Variants in ZNF740 observed in about 807,000 individuals in gnomAD.
ZNF740 encodes the protein zinc finger protein 740.
A neutral mutation model predicts 24.8 loss-of-function variants in ZNF740; 14 were observed. The observed-to-expected ratio is 0.56, with a 90% CI of 0.37 to 0.88. ZNF740 has a LOEUF of 0.88. Among genes scored for constraint, ZNF740 ranks in the 40% least tolerant of loss-of-function variants. The pLI is 0.00. For synonymous variants in ZNF740, 69 were observed against 84.0 expected (o/e 0.82, Z 0.98); for missense variants, 201 against 247.9 (o/e 0.81, Z 1.27).
In ZNF740 at chr12:53,181,971, G is replaced by A; in HGVS notation, c.-13G>A. ...CTCCTGAACTTTTGGGTTGCCTTAAGTGAGAAATCAGCATGGCTCAGGTAA... is the reference window on the plus strand; with the variant it reads ...CTCCTGAACTTTTGGGTTGCCTTAAATGAGAAATCAGCATGGCTCAGGTAA... On this transcript the variant is annotated 5_prime_UTR_variant, in exon 2 of 7. In the 5' UTR this introduces an upstream ATG that the reference lacks. Coordinates refer to ENST00000416904, the MANE Select transcript of ZNF740 (RefSeq NM_001004304.4). 6.2e-7 allele frequency: 1 copy of A among 1,607,044 alleles called. No homozygotes were observed. The highest frequency in any genetic ancestry group is 1.3e-5 in the African/African-American group (1 of 74,990).
chr12:53,182,011 C>G lies in ZNF740; in HGVS notation c.9+19C>G. 1 of 1,606,086 alleles carries G rather than the reference C, an allele frequency of 6.2e-7. No individual in the cohort carries two copies. ...GGCTCAGGTAAAAAGCTCTAGAGTC[C>G]TCCTCCAAGATAACTGGGAAGCCTG... On this transcript the variant is annotated intron_variant, in intron 2 of 6. Transcript: ENST00000416904.
Position 53,188,747 on chromosome 12 carries a change from C to CA in ZNF740, c.*1158dup, listed in dbSNP as rs1941872929. 6.6e-6 allele frequency: 1 copy of CA among 152,202 alleles called. No individual in the cohort carries two copies. The highest frequency in any genetic ancestry group is 6.5e-5 in the Admixed American group (1 of 15,272). 9.4% of individuals were successfully genotyped at this position (152,202 alleles called of 1,614,324 possible). A position where few individuals can be genotyped will look rare whatever the true frequency, so the allele number is the denominator to read the frequency against. ...CTTCCTGATGGCCATCCCTACCCAACAGAGTGTGGGGGATGGGGGTGGGGG... is the reference window on the plus strand; with the variant it reads ...CTTCCTGATGGCCATCCCTACCCAACAAGAGTGTGGGGGATGGGGGTGGGGG... On this transcript the variant is annotated 3_prime_UTR_variant, in exon 7 of 7. Transcript: ENST00000416904.
At position 53,191,729 on chromosome 12, in the gene ZNF740, G is replaced by T. The variant is rs1941952140; in HGVS notation, c.*4139G>T. On this transcript the variant is annotated 3_prime_UTR_variant, in exon 7 of 7. Transcript: ENST00000416904. ...AGGCCAGCCTTGAGCCGAATCCTAG[G>T]AGCTGATGGAAGTTAGCAGAGGGGT... The T allele has an allele frequency of 6.6e-7, 1 of 1,520,188 alleles. No individual in the cohort carries two copies. Among genetic ancestry groups the T allele is most frequent in the South Asian group, 1.1e-5 (1 of 88,816 alleles). The allele number at this position is 1,520,188 out of a possible 1,614,324, so 94.2% of individuals were successfully genotyped here.
chr12:53,183,025 C>G lies in ZNF740; in HGVS notation c.9+1033C>G, dbSNP rs1209717508. On this transcript the variant is annotated intron_variant, in intron 2 of 6. Coordinates refer to ENST00000416904, the MANE Select transcript of ZNF740 (RefSeq NM_001004304.4). Reference sequence around the variant, plus strand: ...CTAGGGAACCTCCCTACCAGTCTCACCAGGATGGCAGTCTGATTGTAGTAT... The same window carrying G: ...CTAGGGAACCTCCCTACCAGTCTCAGCAGGATGGCAGTCTGATTGTAGTAT... Among the ~76,000 whole-genome samples, 3 of 152,308 alleles carry G rather than the reference C, an allele frequency of 2.0e-5. No homozygotes were observed. The East Asian group carries it at 5.8e-4, about 29-fold the overall frequency.
Position 53,192,363 on chromosome 12 carries a change from C to T in ZNF740, c.*4773C>T, listed in dbSNP as rs1386380796. On this transcript the variant is annotated 3_prime_UTR_variant, in exon 7 of 7. Coordinates refer to ENST00000416904, the MANE Select transcript of ZNF740 (RefSeq NM_001004304.4). ...GGTCTCACTCTGAGCACGACCGTGCCTCTGGCGTCATCCTCCACCAAGAAG... is the reference window on the plus strand; with the variant it reads ...GGTCTCACTCTGAGCACGACCGTGCTTCTGGCGTCATCCTCCACCAAGAAG... 8 of 1,614,000 alleles carry T rather than the reference C, an allele frequency of 5.0e-6. No individual in the cohort carries two copies. The highest frequency in any genetic ancestry group is 6.8e-6 in the Non-Finnish European group (8 of 1,180,040).
chr12:53,181,175 C>T, intron 1 of ZNF740: 3 of 985,344 alleles, frequency 3.0e-6, no homozygotes, highest in Non-Finnish European at 3.6e-6. Flanking sequence ...GGCGACACGC[C>T]GCGCCGGGCT....
In ZNF740 at chr12:53,195,050, C is replaced by A. The variant is rs563174612; in HGVS notation, c.*7460C>A. 9.8e-6 allele frequency: 3 copies of A among 307,130 alleles called. No homozygotes were observed. The highest frequency in any genetic ancestry group is 1.8e-5 in the Non-Finnish European group (3 of 162,172). The allele number at this position is 307,130 out of a possible 1,614,324, so 19.0% of individuals were successfully genotyped here. On this transcript the variant is annotated 3_prime_UTR_variant, in exon 7 of 7. Transcript: ENST00000416904. Reference sequence around the variant, plus strand: ...AATAGGGATGGTAACAGTTATGAAGCAAGGCTTTTGGCAGGGTTAAATGAA... The same window carrying A: ...AATAGGGATGGTAACAGTTATGAAGAAAGGCTTTTGGCAGGGTTAAATGAA...
At chr12:53,182,574 G>C (rs1941694513) in intron 2 of ZNF740, among the ~76,000 whole-genome samples, 1 of 152,058 alleles carries the variant, frequency 6.6e-6, no homozygotes, top group South Asian at 2.1e-4. Flanking sequence ...CTTCTGCTTG[G>C]ATAGAAAAAG....
At chr12:53,181,195 T>C (rs1287549748) in intron 1 of ZNF740, 14 of 985,330 alleles carry the variant, frequency 1.4e-5, no homozygotes, top group Non-Finnish European at 1.6e-5. Flanking sequence ...TTCGCCTGCC[T>C]GTCCTCCACC....
At position 53,187,646 on chromosome 12, in the gene ZNF740, C is replaced by A; in HGVS notation, c.*56C>A. On this transcript the variant is annotated 3_prime_UTR_variant, in exon 7 of 7. Coordinates refer to ENST00000416904, the MANE Select transcript of ZNF740 (RefSeq NM_001004304.4). ...CAGAAGAACCTGCCGAAGAGCACAC[C>A]CCCTCTGGTCTGATGGTCCCACCAC... The A allele has an allele frequency of 1.4e-6, 2 of 1,415,272 alleles. No homozygotes were observed. The highest frequency in any genetic ancestry group is 9.9e-7 in the Non-Finnish European group (1 of 1,006,660). The allele number at this position is 1,415,272 out of a possible 1,614,324, so 87.7% of individuals were successfully genotyped here.
Position 53,193,481 on chromosome 12 carries a change from G to C in ZNF740, c.*5891G>C, listed in dbSNP as rs186351197. ...AAGAGTTGGAGACAGACAAACAGCT[G>C]AAAGGATGTTAAGTATAGTGAAACA... is the stretch of plus-strand genomic sequence containing the variant. On this transcript the variant is annotated 3_prime_UTR_variant, in exon 7 of 7. Coordinates refer to ENST00000416904, the MANE Select transcript of ZNF740 (RefSeq NM_001004304.4). The C allele has an allele frequency of 1.4e-3, 1,147 of 818,030 alleles. 26 individuals are homozygous for C. In the South Asian group the frequency reaches 0.016, roughly 11 times the overall value. The allele number at this position is 818,030 out of a possible 1,614,324, so 50.7% of individuals were successfully genotyped here. A position where few individuals can be genotyped will look rare whatever the true frequency, so the allele number is the denominator to read the frequency against.
rs760700769 is a variant in ZNF740 at position 53,186,410 on chromosome 12, C to T, written c.393C>T (p.Cys131=). 190 of 1,582,588 alleles carry T rather than the reference C, an allele frequency of 1.2e-4. No homozygotes were observed. Among genetic ancestry groups the T allele is most frequent in the South Asian group, 1.9e-4 (16 of 86,342 alleles). ...GGCCAGGTGAGAAGCCATTTGAATGCGATATATGTGATATGCGTTTCATCC... is the reference window on the plus strand; with the variant it reads ...GGCCAGGTGAGAAGCCATTTGAATGTGATATATGTGATATGCGTTTCATCC... The part of the protein sequence containing the change: ...LIHTGEKPFE[C]DICDMRFIQK... Residue 131 remains cysteine (C), a synonymous_variant, in exon 6 of 7, where the codon TGC becomes TGT. Transcript: ENST00000416904.
At chr12:53,181,032 C>T (rs1941589844) in intron 1 of ZNF740, 195 bp downstream of exon 1, 2 of 865,636 alleles carry the variant, frequency 2.3e-6, no homozygotes, top group Non-Finnish European at 2.9e-6. Context: ...CGTCCCGCCG[C>T]GTCCCCGGCC....
rs753622565 is a variant in ZNF740, at chr12:53,192,543, G to A, written c.*4953G>A. On this transcript the variant is annotated 3_prime_UTR_variant, in exon 7 of 7. Transcript: ENST00000416904. ...GCCCCACACTCTGCACAGTCCCTGT[G>A]TAGTAGATGCCAATAGGTTACCAGC... 1.1e-5 allele frequency: 18 copies of A among 1,613,260 alleles called. No individual in the cohort carries two copies. Among genetic ancestry groups the A allele is most frequent in the Non-Finnish European group, 1.4e-5 (16 of 1,179,692 alleles).
At position 53,192,432 on chromosome 12, in the gene ZNF740, C is replaced by T; in HGVS notation, c.*4842C>T. On this transcript the variant is annotated 3_prime_UTR_variant, in exon 7 of 7. Transcript: ENST00000416904. ...AGGGTCCGCTCTTTGCACCAGCCAT[C>T]ATCCAAGATAGGGGCCAAGGCCAGG... 1 of 1,614,156 alleles carries T rather than the reference C, an allele frequency of 6.2e-7. No homozygotes were observed. The highest frequency in any genetic ancestry group is 8.5e-7 in the Non-Finnish European group (1 of 1,180,024).
At chr12:53,187,243 T>C (rs1324819087) in intron 6 of ZNF740, among the ~76,000 whole-genome samples, 2 of 152,220 alleles carry the variant, frequency 1.3e-5, no homozygotes, top group Admixed American at 6.5e-5. Context: ...CGCTTTGCAG[T>C]TTTGCAGATG....
chr12:53,182,884 C>A (rs1008369737), intron 2 of ZNF740, among the ~76,000 whole-genome samples: 50 of 152,104 alleles, frequency 3.3e-4, no homozygotes, highest in African/African-American at 1.2e-3. Context: ...TGTAGAAGGT[C>A]ATTATTGTGG....
Position 53,192,956 on chromosome 12 carries a change from C to A in ZNF740, c.*5366C>A, listed in dbSNP as rs1486620999. The A allele has an allele frequency of 1.9e-6, 3 of 1,577,448 alleles. No homozygotes were observed. Among genetic ancestry groups the A allele is most frequent in the Admixed American group, 3.4e-5 (2 of 59,172 alleles). ...GGGTGACAACCATACTCCACACACA[C>A]AGTTGGCCATCATGTGGCACGACAA... On this transcript the variant is annotated 3_prime_UTR_variant, in exon 7 of 7. Transcript: ENST00000416904.
Position 53,192,083 on chromosome 12 carries a change from C to CA in ZNF740, c.*4494dup. Reference sequence around the variant, plus strand: ...GCATAGGGACAGATCATCAGTTGCTCACAGTGTGTCCAGCCTGTCCAACCC... The same window carrying CA: ...GCATAGGGACAGATCATCAGTTGCTCAACAGTGTGTCCAGCCTGTCCAACCC... On this transcript the variant is annotated 3_prime_UTR_variant, in exon 7 of 7. Transcript: ENST00000416904. 6.4e-7 allele frequency: 1 copy of CA among 1,556,306 alleles called. No homozygotes were observed. The highest frequency in any genetic ancestry group is 1.2e-5 in the South Asian group (1 of 86,934).
Sources: allele counts gnomAD v4.1 joint callset (sites outside exome capture counted in the v4.1 genomes callset), GRCh38; gene constraint gnomAD v4.1.1; transcripts MANE v1.5; gene names NCBI Gene and HGNC (gene_info 2026-07-23, HGNC 2026-07-21).